Variants in CAPN13 observed in about 807,000 individuals in gnomAD.
The protein encoded by CAPN13 is calpain 13.
CAPN13 carries 90 observed loss-of-function variants against 98.4 expected under a neutral mutation model. That is an observed-to-expected ratio of 0.92 (90% CI 0.77 to 1.09). The LOEUF is 1.09. Ranked by LOEUF, CAPN13 falls within the 50% of genes least tolerant of loss-of-function variation. The pLI, the probability that CAPN13 is intolerant of heterozygous loss-of-function variation, is 0.00. For synonymous variants in CAPN13, 330 were observed against 305.5 expected, an observed-to-expected ratio of 1.08 and a Z score of -0.84; for missense variants, 887 against 841.3, an observed-to-expected ratio of 1.05 and a Z score of -0.67.
At chr2:30,747,778 C>G (rs1671986303) in intron 11 of CAPN13, among the ~76,000 whole-genome samples, 1 of 152,206 alleles carries the variant, frequency 6.6e-6, no homozygotes, top group East Asian at 1.9e-4. Context: ...ACTGTGAAAG[C>G]AACCAGTGTC....
intron 5 of CAPN13, among the ~76,000 whole-genome samples, chr2:30,768,275 G>C (rs1673208728): frequency 6.6e-6 from 1 of 152,224 alleles, no homozygotes; most frequent in African/African-American, 2.4e-5. Flanking sequence ...TCAGGTACTG[G>C]GCAGGGAATC....
chr2:30,756,538 C>A (rs1393486937), intron 8 of CAPN13, among the ~76,000 whole-genome samples: 2 of 152,172 alleles, frequency 1.3e-5, no homozygotes, highest in South Asian at 2.1e-4. Flanking sequence ...GAATATATTG[C>A]CTCTTCTCCT....
chr2:30,736,577 T>A lies in CAPN13; in HGVS notation c.1654-6A>T. 6.2e-7 allele frequency: 1 copy of A among 1,613,866 alleles called. No homozygotes were observed. The highest frequency in any genetic ancestry group is 8.5e-7 in the Non-Finnish European group (1 of 1,179,848). On this transcript the variant is annotated splice_region_variant and splice_polypyrimidine_tract_variant and intron_variant, in intron 17 of 22. Transcript: ENST00000295055. ...AGCCGCCCATTCACTTTCAGCTGGG[T>A]AAGGAGTTAAGAGTGAACCAGCCAG... is the stretch of plus-strand genomic sequence containing the variant.
Position 30,734,453 on chromosome 2 carries a change from A to G in CAPN13, c.1794T>C (p.Asn598=). 6.2e-7 allele frequency: 1 copy of G among 1,613,632 alleles called. No homozygotes were observed. Among genetic ancestry groups the G allele is most frequent in the Non-Finnish European group, 8.5e-7 (1 of 1,179,634 alleles). ...GCTCCAAAGTCCCCATTGTACCTGT[A>G]TTCTCTATGGCCTTCCACAAGTCCG... ...LSSDLWKAIE[N]TDFLRGIFIS... The change falls in exon 19 of 23, where the codon AAT becomes AAC. Residue 598 remains asparagine, a synonymous_variant. Transcript: ENST00000295055.
At chr2:30,756,833 CAGTT>C (rs879409508) in intron 8 of CAPN13, among the ~76,000 whole-genome samples, 32 of 152,316 alleles carry the variant, frequency 2.1e-4, no homozygotes, top group African/African-American at 7.2e-4. Context: ...TCTAAGGTCA[CAGTT>C]AGGTTTATTC....
intron 5 of CAPN13, among the ~76,000 whole-genome samples, chr2:30,768,770 C>T (rs573783421): frequency 4.6e-5 from 7 of 151,632 alleles, no homozygotes; most frequent in African/African-American, 1.7e-4. Flanking sequence ...GAATGTGCAC[C>T]TTTTGTTTGT....
intron 22 of CAPN13, among the ~76,000 whole-genome samples, chr2:30,727,192 G>A (rs149421327): frequency 3.9e-5 from 6 of 152,080 alleles, no homozygotes; most frequent in Non-Finnish European, 7.4e-5. Flanking sequence ...TCTCAAAATG[G>A]ATCAAAGACC....
intron 3 of CAPN13, among the ~76,000 whole-genome samples, chr2:30,776,638 AG>A (rs1673711702): frequency 6.6e-6 from 1 of 152,172 alleles, no homozygotes; most frequent in African/African-American, 2.4e-5. Context: ...GTGCAGAAGT[AG>A]GGGGACGTTC....
At chr2:30,801,791 T>A (rs1327153909) in intron 1 of CAPN13, among the ~76,000 whole-genome samples, 2 of 151,912 alleles carry the variant, frequency 1.3e-5, no homozygotes, top group African/African-American at 4.8e-5. Flanking sequence ...AGGAATGAGA[T>A]GGCCCAGACG....
chr2:30,806,602 C>G (rs1171942691), intron 1 of CAPN13, among the ~76,000 whole-genome samples: 1 of 152,208 alleles, frequency 6.6e-6, no homozygotes, highest in African/African-American at 2.4e-5. Flanking sequence ...GGGAAAATAT[C>G]TGCACTTATT....
At chr2:30,783,267 T>C (rs6710242) in intron 2 of CAPN13, among the ~76,000 whole-genome samples, 111,825 of 152,052 alleles carry the variant, frequency 0.74, 41,697 homozygotes, top group African/African-American at 0.85. Context: ...AAGTATAATC[T>C]TTAGCACTGT....
chr2:30,774,447 A>T lies in CAPN13; in HGVS notation c.387+1483T>A, dbSNP rs72867175. On this transcript the variant is annotated intron_variant, in intron 4 of 22. Transcript: ENST00000295055. ...AAAGCGGAATTAAGAAAAAAAGGAA[A>T]AGTAAAAATACAGCACAGATTGAGA... 3.0e-3 allele frequency among the ~76,000 whole-genome samples: 457 copies of T among 152,266 alleles called. 2 individuals are homozygous for T. The highest frequency in any genetic ancestry group is 0.011 in the African/African-American group (442 of 41,574).
chr2:30,789,974 TG>T (rs1054298535), intron 1 of CAPN13, among the ~76,000 whole-genome samples: 39 of 152,198 alleles, frequency 2.6e-4, no homozygotes, highest in African/African-American at 8.9e-4. Flanking sequence ...AGGGAAGGCT[TG>T]GGGACAGGCA....
chr2:30,764,892 C>T (rs543846472), intron 5 of CAPN13, among the ~76,000 whole-genome samples: 1 of 152,160 alleles, frequency 6.6e-6, no homozygotes, highest in East Asian at 1.9e-4. Context: ...ACTCTGCAAA[C>T]CCTGATCCAG....
chr2:30,770,806 G>A (rs187557981), intron 4 of CAPN13, among the ~76,000 whole-genome samples: 13 of 152,310 alleles, frequency 8.5e-5, no homozygotes, highest in Admixed American at 8.5e-4. Flanking sequence ...ATGGCAATAG[G>A]GAAGCAATGC....
At chr2:30,727,544 C>G (rs2103478516) in intron 22 of CAPN13, among the ~76,000 whole-genome samples, 1 of 152,234 alleles carries the variant, frequency 6.6e-6, no homozygotes, top group East Asian at 1.9e-4. Flanking sequence ...AAATAACCCA[C>G]AAGCACTGAA....
intron 8 of CAPN13, among the ~76,000 whole-genome samples, chr2:30,757,133 C>T (rs1038190674): frequency 3.9e-5 from 6 of 152,238 alleles, no homozygotes; most frequent in African/African-American, 1.4e-4. Flanking sequence ...TTCCCCACCC[C>T]CAGCCCCACG....
rs1264680367 is a variant in CAPN13, at chr2:30,736,574, G to A, written c.1654-3C>T. 2 of 1,613,974 alleles carry A rather than the reference G, an allele frequency of 1.2e-6. 1 individual carries two copies. The highest frequency in any genetic ancestry group is 3.3e-4 in the Middle Eastern group (2 of 6,062). Reference sequence around the variant, plus strand: ...TCTAGCCGCCCATTCACTTTCAGCTGGGTAAGGAGTTAAGAGTGAACCAGC... The same window carrying A: ...TCTAGCCGCCCATTCACTTTCAGCTAGGTAAGGAGTTAAGAGTGAACCAGC... On this transcript the variant is annotated splice_region_variant and splice_polypyrimidine_tract_variant and intron_variant, in intron 17 of 22. Coordinates refer to ENST00000295055, the MANE Select transcript of CAPN13 (RefSeq NM_144575.3).
At chr2:30,771,760 C>G (rs142026103) in intron 4 of CAPN13, among the ~76,000 whole-genome samples, 1 of 152,198 alleles carries the variant, frequency 6.6e-6, no homozygotes, top group East Asian at 1.9e-4. Context: ...GCTGGTCTTG[C>G]CTCTTATTAC....
Sources: gnomAD v4.1 joint callset for allele counts (sites outside exome capture counted in the v4.1 genomes callset) on GRCh38, gnomAD v4.1.1 for gene constraint, MANE v1.5 for transcripts, NCBI Gene and HGNC (gene_info 2026-07-23, HGNC 2026-07-21) for gene names.